NREP: variants seen among roughly 807,000 people sequenced by gnomAD.
The protein encoded by NREP is neuronal regeneration related protein, also known as neuronal regeneration-related protein.
NREP carries 5 observed loss-of-function variants against 8.6 expected under a neutral mutation model. That is an observed-to-expected ratio of 0.58 (90% CI 0.30 to 1.22). The LOEUF (loss-of-function observed/expected upper bound fraction) is 1.22. Ranked by LOEUF, NREP falls within the 50% of genes most tolerant of loss-of-function variation. NREP has a pLI of 0.07. For missense variants in NREP, 86 were observed against 82.5 expected (o/e 1.04, Z -0.17); for synonymous variants, 27 against 28.0 (o/e 0.96, Z 0.11).
intron 2 of NREP, among the ~76,000 whole-genome samples, chr5:111,740,930 G>A (rs1019363219): frequency 6.6e-6 from 1 of 152,128 alleles, no homozygotes; most frequent in Non-Finnish European, 1.5e-5. Flanking sequence ...CTATGAGAAT[G>A]ATACTTAAAG....
intron 2 of NREP, among the ~76,000 whole-genome samples, chr5:111,864,548 T>C (rs1753623271): frequency 6.6e-6 from 1 of 152,090 alleles, no homozygotes. Context: ...AGTATATCTG[T>C]ATATTAAAAC....
At chr5:111,884,630 T>C (rs1258703729) in intron 2 of NREP, among the ~76,000 whole-genome samples, 4 of 152,102 alleles carry the variant, frequency 2.6e-5, no homozygotes, top group Non-Finnish European at 5.9e-5. Flanking sequence ...TCCACCATGA[T>C]CAAGTGGGCT....
intron 2 of NREP, among the ~76,000 whole-genome samples, chr5:111,842,108 A>G (rs1438632162): frequency 6.6e-6 from 1 of 152,170 alleles, no homozygotes; most frequent in African/African-American, 2.4e-5. Flanking sequence ...GTTTAGAGCC[A>G]TATCTTTGTA....
chr5:111,916,096 G>T (rs545364469), intron 2 of NREP, among the ~76,000 whole-genome samples: 4 of 151,890 alleles, frequency 2.6e-5, no homozygotes, highest in African/African-American at 9.7e-5. Flanking sequence ...AGCCATAGTC[G>T]CAAGCCAAAG....
chr5:111,871,987 CATAT>C (rs1348733185), intron 2 of NREP, among the ~76,000 whole-genome samples: 1 of 149,944 alleles, frequency 6.7e-6, no homozygotes, highest in African/African-American at 2.4e-5. Context: ...TATACACACA[CATAT>C]GTATAATCTT....
At chr5:111,896,289 G>C (rs181256197) in intron 2 of NREP, among the ~76,000 whole-genome samples, 1 of 152,126 alleles carries the variant, frequency 6.6e-6, no homozygotes, top group Non-Finnish European at 1.5e-5. Context: ...GGATTATAAC[G>C]AAGTTTTGGT....
intron 2 of NREP, among the ~76,000 whole-genome samples, chr5:111,790,012 A>G (rs1391639531): frequency 1.3e-5 from 2 of 152,168 alleles, no homozygotes; most frequent in Admixed American, 6.5e-5. Flanking sequence ...AACTTGCAAC[A>G]TATATTACAG....
chr5:111,897,406 A>C (rs1188931896), intron 2 of NREP, among the ~76,000 whole-genome samples: 1 of 152,152 alleles, frequency 6.6e-6, no homozygotes, highest in Non-Finnish European at 1.5e-5. Flanking sequence ...TTAACGGCTC[A>C]TTTTACTTTT....
intron 1 of NREP, among the ~76,000 whole-genome samples, chr5:111,756,497 G>C (rs1436546928): frequency 2.0e-5 from 3 of 151,942 alleles, no homozygotes; most frequent in Non-Finnish European, 4.4e-5. Flanking sequence ...GAAACTAAAA[G>C]TTCTCAAAAA....
intron 2 of NREP, among the ~76,000 whole-genome samples, chr5:111,909,650 C>T (rs1053865868): frequency 2.0e-5 from 3 of 151,996 alleles, no homozygotes; most frequent in African/African-American, 7.2e-5. Flanking sequence ...ACTTGGGTTG[C>T]AGCAGGAACG....
At chr5:111,819,275 C>A (rs1214434933) in intron 2 of NREP, among the ~76,000 whole-genome samples, 1 of 152,158 alleles carries the variant, frequency 6.6e-6, no homozygotes, top group Non-Finnish European at 1.5e-5. Flanking sequence ...ACTCACCCTG[C>A]CACTCTGGCT....
intron 2 of NREP, among the ~76,000 whole-genome samples, chr5:111,772,924 C>CT (rs1382486935): frequency 1.3e-5 from 2 of 152,116 alleles, no homozygotes; most frequent in Non-Finnish European, 2.9e-5. Flanking sequence ...CTTAGTTTCT[C>CT]TTAAATAGCA....
intron 2 of NREP, chr5:111,912,485 TCTG>T (rs1304988356): frequency 1.3e-5 from 2 of 152,084 alleles, no homozygotes; most frequent in Admixed American, 6.6e-5. Context: ...TATCTGTATC[TCTG>T]AAAATGATCT....
intron 2 of NREP, among the ~76,000 whole-genome samples, chr5:111,855,896 CTGTT>C (rs1376402321): frequency 1.3e-5 from 2 of 152,114 alleles, no homozygotes; most frequent in East Asian, 3.9e-4. Context: ...TGAAAGAAAA[CTGTT>C]TGCAGCTGAA....
rs1349288518 is a variant in NREP at position 111,927,309 on chromosome 5, A to G, written c.135+47965T>C. On this transcript the variant is annotated intron_variant, in intron 2 of 3. Transcript: ENST00000395634. ...TCATGAGGGATGAGCTCAGCATCCA[A>G]TCAAGACTCAAAATGGGAAAATTTC... Among the ~76,000 whole-genome samples the G allele has an allele frequency of 2.6e-5, 4 of 152,176 alleles. No individual in the cohort carries two copies. The East Asian group carries it at 7.7e-4, about 29-fold the overall frequency.
intron 2 of NREP, among the ~76,000 whole-genome samples, chr5:111,917,005 G>A (rs4957993): frequency 0.4 from 60,678 of 151,942 alleles, 14,639 homozygotes; most frequent in Non-Finnish European, 0.55. Flanking sequence ...AATGGGCACC[G>A]TGGAGATCCA....
chr5:111,847,378 C>T (rs572199423), intron 2 of NREP, among the ~76,000 whole-genome samples: 11 of 152,138 alleles, frequency 7.2e-5, no homozygotes, highest in African/African-American at 2.7e-4. Context: ...GGGCTGTAAC[C>T]CTCACGGCCC....
At chr5:111,819,658 A>G (rs1752472841) in intron 2 of NREP, among the ~76,000 whole-genome samples, 1 of 152,232 alleles carries the variant, frequency 6.6e-6, no homozygotes, top group African/African-American at 2.4e-5. Flanking sequence ...TAACATTTTC[A>G]TCAACAGATG....
intron 2 of NREP, among the ~76,000 whole-genome samples, chr5:111,813,737 C>G (rs1364380071): frequency 2.6e-5 from 4 of 152,030 alleles, no homozygotes; most frequent in Admixed American, 2.0e-4. Flanking sequence ...AAGGAGGATT[C>G]ACTTTTAAAT....
Sources: gnomAD v4.1 joint callset for allele counts (sites outside exome capture counted in the v4.1 genomes callset) on GRCh38, gnomAD v4.1.1 for gene constraint, MANE v1.5 for transcripts, NCBI Gene and HGNC (gene_info 2026-07-23, HGNC 2026-07-21) for gene names.